Variants in RABGAP1L observed in about 807,000 individuals in gnomAD.
RABGAP1L encodes rab GTPase-activating protein 1-like.
Under a neutral mutation model 137.7 loss-of-function variants are expected in RABGAP1L, and 63 were observed. That is an observed-to-expected ratio of 0.46 (90% confidence interval 0.37 to 0.56). RABGAP1L has a LOEUF of 0.56. RABGAP1L is among the 20% of genes least tolerant of loss of function. The pLI, the probability that RABGAP1L is intolerant of heterozygous loss-of-function variation, is 0.00. For missense variants in RABGAP1L, 1,095 were observed against 1,244.0 expected (o/e 0.88, Z 1.80); for synonymous variants, 431 against 433.7 (o/e 0.99, Z 0.08).
At chr1:174,859,662 G>A (rs1649932109) in intron 19 of RABGAP1L, among the ~76,000 whole-genome samples, 1 of 151,976 alleles carries the variant, frequency 6.6e-6, no homozygotes, top group East Asian at 1.9e-4. Flanking sequence ...TCACACAGAG[G>A]GGAGCAACAC....
chr1:174,274,408 A>C (rs1674798263), intron 8 of RABGAP1L, among the ~76,000 whole-genome samples: 1 of 152,148 alleles, frequency 6.6e-6, no homozygotes, highest in African/African-American at 2.4e-5. Flanking sequence ...TTAGGTACAC[A>C]AATGGTATTG....
At chr1:174,352,356 C>A (rs1014813379) in intron 11 of RABGAP1L, among the ~76,000 whole-genome samples, 12 of 151,906 alleles carry the variant, frequency 7.9e-5, no homozygotes, top group African/African-American at 2.9e-4. Context: ...TGTTGAAAGA[C>A]TATGATTCAT....
rs1271906511 is a variant in RABGAP1L at position 174,434,644 on chromosome 1, T to C, written c.1710+40499T>C. Among the ~76,000 whole-genome samples, 3 of 152,218 alleles carry C rather than the reference T, an allele frequency of 2.0e-5. No individual in the cohort carries two copies. The East Asian group carries it at 5.8e-4, about 29-fold the overall frequency. On this transcript the variant is annotated intron_variant, in intron 13 of 25. Transcript: ENST00000681986. ...CTACCAACATTGTACTGTCAGTCTT[T>C]TAGTTTTAGCCATTCTAGTGGGTAT...
intron 11 of RABGAP1L, among the ~76,000 whole-genome samples, chr1:174,344,506 A>G (rs1036891700): frequency 2.0e-5 from 3 of 152,320 alleles, no homozygotes; most frequent in Admixed American, 6.5e-5. Context: ...GACTAAAAAA[A>G]TGATTTAGTG....
At chr1:174,403,712 C>T (rs1197621798) in intron 13 of RABGAP1L, among the ~76,000 whole-genome samples, 1 of 151,764 alleles carries the variant, frequency 6.6e-6, no homozygotes, top group African/African-American at 2.4e-5. Flanking sequence ...AGGTAACTTC[C>T]AGTTACAAAG....
At chr1:174,897,162 A>G (rs556792497) in intron 19 of RABGAP1L, 4 of 152,256 alleles carry the variant, frequency 2.6e-5, no homozygotes, top group African/African-American at 7.2e-5. Flanking sequence ...CATCCCTTGT[A>G]AGTTGGATTC....
intron 14 of RABGAP1L, among the ~76,000 whole-genome samples, chr1:174,680,317 T>A: frequency 6.6e-6 from 1 of 152,188 alleles, no homozygotes; most frequent in East Asian, 1.9e-4. Context: ...ATTGGATTAG[T>A]GCTTTAATAA....
At chr1:174,196,851 T>G (rs1050696400) in intron 1 of RABGAP1L, among the ~76,000 whole-genome samples, 31 of 152,152 alleles carry the variant, frequency 2.0e-4, no homozygotes, top group African/African-American at 3.6e-4. Context: ...ATTATGGTAT[T>G]TTTTTGGACA....
chr1:174,284,107 T>C lies in RABGAP1L; in HGVS notation c.1323+5328T>C, dbSNP rs561898827. Among the ~76,000 whole-genome samples the C allele has an allele frequency of 7.2e-5, 11 of 152,336 alleles. No individual in the cohort carries two copies. The South Asian group carries it at 2.3e-3, about 32-fold the overall frequency. On this transcript the variant is annotated intron_variant, in intron 10 of 25. Coordinates refer to ENST00000681986, the MANE Select transcript of RABGAP1L (RefSeq NM_001366446.1). ...TCTGTCACCTCACGTAAGTTACCTT[T>C]TTGTGTGTGTGTAGAACACTTAAGA...
At chr1:174,989,303 CATAAT>C (rs1192575764) in intron 25 of RABGAP1L, among the ~76,000 whole-genome samples, 1 of 152,184 alleles carries the variant, frequency 6.6e-6, no homozygotes, top group Non-Finnish European at 1.5e-5. Flanking sequence ...CATATTGGCG[CATAAT>C]ATAATTAGAA....
chr1:174,956,650 CTTTT>C (rs749236387), intron 19 of RABGAP1L, among the ~76,000 whole-genome samples: 1 of 139,760 alleles, frequency 7.2e-6, no homozygotes, highest in African/African-American at 2.6e-5. Flanking sequence ...CTCTTCTCTT[CTTTT>C]TTTTTTTTTT....
At chr1:174,357,905 AATAAC>A (rs1239005117) in intron 11 of RABGAP1L, among the ~76,000 whole-genome samples, 2 of 152,258 alleles carry the variant, frequency 1.3e-5, no homozygotes, top group African/African-American at 4.8e-5. Flanking sequence ...CAGGCACCCT[AATAAC>A]ATGTTTCACA....
chr1:174,598,583 C>G (rs1670163867), intron 13 of RABGAP1L, among the ~76,000 whole-genome samples: 1 of 152,060 alleles, frequency 6.6e-6, no homozygotes, highest in African/African-American at 2.4e-5. Flanking sequence ...TATCTGGGTG[C>G]TTCAGTGTTG....
At chr1:174,284,734 CTTTTTTTTTTTT>C (rs59344382) in intron 10 of RABGAP1L, among the ~76,000 whole-genome samples, 4 of 42,618 alleles carry the variant, frequency 9.4e-5, no homozygotes, top group South Asian at 8.1e-4. Context: ...TATTTCTTGT[CTTTTTTTTTTTT>C]TTTTTTTTTT....
chr1:174,173,607 G>A (rs1033507600), intron 1 of RABGAP1L, among the ~76,000 whole-genome samples: 10 of 151,848 alleles, frequency 6.6e-5, no homozygotes, highest in Non-Finnish European at 1.5e-4. Context: ...ATTTTATGTA[G>A]TAAGTTTATG....
intron 18 of RABGAP1L, among the ~76,000 whole-genome samples, chr1:174,791,964 T>C (rs1687892500): frequency 6.6e-6 from 1 of 152,196 alleles, no homozygotes; most frequent in African/African-American, 2.4e-5. Flanking sequence ...CAGGCTCAGG[T>C]TCCTGACCAG....
intron 13 of RABGAP1L, among the ~76,000 whole-genome samples, chr1:174,581,367 T>C (rs1304747458): frequency 1.3e-5 from 2 of 152,180 alleles, no homozygotes; most frequent in Non-Finnish European, 2.9e-5. Flanking sequence ...TAAAAAGGAA[T>C]GAAGCATTGA....
chr1:174,305,000 C>A lies in RABGAP1L; in HGVS notation c.1338C>A (p.Gly446=). The A allele has an allele frequency of 6.4e-7, 1 of 1,551,638 alleles. No individual in the cohort carries two copies. The highest frequency in any genetic ancestry group is 8.7e-7 in the Non-Finnish European group (1 of 1,154,994). The change falls in exon 11 of 26, where the codon GGC becomes GGA. Residue 446 remains glycine (G), a synonymous_variant. Transcript: ENST00000681986. ...ATTTTTCTCAGTCTGAGGGAAAAGG[C>A]CATACCAATGCTGGAGATGCAATAT... ...FMRLKQSEGK[G]HTNAGDAIYE... is the part of the protein sequence containing the mutation.
intron 13 of RABGAP1L, among the ~76,000 whole-genome samples, chr1:174,552,045 C>T (rs1666580064): frequency 6.6e-6 from 1 of 152,152 alleles, no homozygotes; most frequent in South Asian, 2.1e-4. Flanking sequence ...AAAAAGAAAT[C>T]ACCGTGTCAA....
Sources: gnomAD v4.1 joint callset for allele counts (sites outside exome capture counted in the v4.1 genomes callset) on GRCh38, gnomAD v4.1.1 for gene constraint, MANE v1.5 for transcripts, NCBI Gene and HGNC (gene_info 2026-07-23, HGNC 2026-07-21) for gene names.